MRPS27: variants seen among roughly 807,000 people sequenced by gnomAD.
MRPS27 encodes small ribosomal subunit protein mS27.
Under a neutral mutation model 48.9 loss-of-function variants are expected in MRPS27, and 43 were observed. The ratio of observed to expected loss-of-function variants is 0.88; its 90% CI spans 0.69 to 1.13. The LOEUF is 1.13. Ranked by LOEUF, MRPS27 falls within the 50% of genes most tolerant of loss-of-function variation. MRPS27 has a pLI of 0.00. For synonymous variants in MRPS27, 188 were observed against 171.9 expected, an observed-to-expected ratio of 1.09 and a Z score of -0.73; for missense variants, 467 against 476.3, an observed-to-expected ratio of 0.98 and a Z score of 0.18.
intron 2 of MRPS27, among the ~76,000 whole-genome samples, chr5:72,311,321 T>C (rs1054639147): frequency 4.6e-5 from 7 of 152,098 alleles, no homozygotes; most frequent in African/African-American, 1.7e-4. Flanking sequence ...AAAGTGTGTA[T>C]ACAGGGGGAA....
In MRPS27 at chr5:72,226,155, T is replaced by A; in HGVS notation, c.739A>T (p.Met247Leu). 1 of 1,613,866 alleles carries A rather than the reference T, an allele frequency of 6.2e-7. No homozygotes were observed. Among genetic ancestry groups the A allele is most frequent in the South Asian group, 1.1e-5 (1 of 91,078 alleles). The change falls in exon 9 of 11, where the codon ATG (methionine) becomes TTG (leucine). Residue 247 changes from methionine (M) to leucine (L), a missense_variant. Met to Leu is a conservative substitution (Grantham distance 15, BLOSUM62 2). Transcript: ENST00000261413. ...TAGCCTGGTTTCCATATCAGAGGCA[T>A]GTTGTGGTACACAGCCCGTAGCCCT... ...QQGLRAVYHN[M>L]PLIWKPGYLD...
At chr5:72,273,536 TG>T (rs1268812976) in intron 4 of MRPS27, among the ~76,000 whole-genome samples, 1 of 152,226 alleles carries the variant, frequency 6.6e-6, no homozygotes, top group East Asian at 1.9e-4. Flanking sequence ...TATAGCCTGT[TG>T]CTCCTAGGCT....
At chr5:72,262,123 A>C (rs190843459) in intron 4 of MRPS27, among the ~76,000 whole-genome samples, 1 of 152,346 alleles carries the variant, frequency 6.6e-6, no homozygotes, top group East Asian at 1.9e-4. Context: ...ATGGCATACT[A>C]GTGAAAAATT....
chr5:72,261,532 AC>A (rs1360624163), intron 4 of MRPS27, among the ~76,000 whole-genome samples: 2 of 152,054 alleles, frequency 1.3e-5, no homozygotes, highest in African/African-American at 4.8e-5. Flanking sequence ...AAAAACAAAA[AC>A]TGTTACTGTA....
intron 4 of MRPS27, among the ~76,000 whole-genome samples, chr5:72,254,065 C>T (rs1002259740): frequency 2.6e-5 from 4 of 152,240 alleles, no homozygotes; most frequent in African/African-American, 9.6e-5. Context: ...AGGCAGGTGA[C>T]CCTGCATCTG....
intron 9 of MRPS27, among the ~76,000 whole-genome samples, chr5:72,224,407 A>G (rs1383439239): frequency 1.3e-5 from 2 of 152,194 alleles, no homozygotes; most frequent in East Asian, 1.9e-4. Context: ...AATTATTTGT[A>G]TAAGTGAATC....
At chr5:72,227,026 A>G (rs1232206845) in intron 8 of MRPS27, 2 of 152,286 alleles carry the variant, frequency 1.3e-5, no homozygotes, top group African/African-American at 4.8e-5. Context: ...GACAAAGCTT[A>G]TCAGGCGACA....
intron 4 of MRPS27, among the ~76,000 whole-genome samples, chr5:72,266,068 T>A (rs1457390863): frequency 2.0e-5 from 3 of 151,744 alleles, no homozygotes; most frequent in African/African-American, 7.3e-5. Context: ...GAGGGGAAGA[T>A]ATAAGAAAGT....
At chr5:72,249,613 A>T (rs945826271) in intron 4 of MRPS27, among the ~76,000 whole-genome samples, 7 of 151,894 alleles carry the variant, frequency 4.6e-5, no homozygotes, top group African/African-American at 1.7e-4. Context: ...TGAACCCGGG[A>T]GGCAGAGGTT....
intron 4 of MRPS27, among the ~76,000 whole-genome samples, chr5:72,280,404 GTATTT>G (rs957831272): frequency 4.6e-5 from 7 of 151,948 alleles, no homozygotes; most frequent in African/African-American, 1.7e-4. Flanking sequence ...TCCTTTATAA[GTATTT>G]TTTTTAAAAA....
At chr5:72,236,540 C>CT (rs1229158630) in intron 5 of MRPS27, among the ~76,000 whole-genome samples, 1 of 152,156 alleles carries the variant, frequency 6.6e-6, no homozygotes, top group East Asian at 1.9e-4. Context: ...ACATTACACT[C>CT]TGAACTGAAG....
At chr5:72,309,561 G>A (rs753573239) in intron 2 of MRPS27, among the ~76,000 whole-genome samples, 12 of 152,014 alleles carry the variant, frequency 7.9e-5, no homozygotes, top group Non-Finnish European at 1.5e-4. Flanking sequence ...GTGCTGCCCC[G>A]CTGCAGATTA....
At chr5:72,221,198 A>T in intron 10 of MRPS27, 50 bp from the exon 11 acceptor site, 1 of 1,586,144 alleles carries the variant, frequency 6.3e-7, no homozygotes, top group South Asian at 1.2e-5. Flanking sequence ...GAAGTGAGAG[A>T]AAGATACAAA....
intron 4 of MRPS27, among the ~76,000 whole-genome samples, chr5:72,247,163 T>C (rs1181681817): frequency 6.6e-6 from 1 of 152,112 alleles, no homozygotes; most frequent in Non-Finnish European, 1.5e-5. Context: ...TGTAAGACAA[T>C]AGGTACAAAG....
chr5:72,272,206 G>A (rs1044572609), intron 4 of MRPS27, among the ~76,000 whole-genome samples: 4 of 152,138 alleles, frequency 2.6e-5, no homozygotes, highest in African/African-American at 9.7e-5. Flanking sequence ...GCCAAGAATC[G>A]TTTTTACATT....
rs182244097 is a variant in MRPS27, at chr5:72,274,999, A to T, written c.281+20532T>A. Among the ~76,000 whole-genome samples, 8 of 152,304 alleles carry T rather than the reference A, an allele frequency of 5.3e-5. No homozygotes were observed. In the East Asian group the frequency reaches 7.7e-4, roughly 15 times the overall value. The stretch of plus-strand genomic sequence containing the variant: ...AAGGATGCCCTCTCTTACCACTCCT[A>T]TTCAACACAGCATTGGAAGTTCTGC... On this transcript the variant is annotated intron_variant, in intron 4 of 10. Transcript: ENST00000261413.
Position 72,219,995 on chromosome 5 carries a change from G to A in MRPS27, c.*914C>T, listed in dbSNP as rs867498695. ...AACATCCCTATGGGTGCCTAAAAATGGAAATCCAGTGAGTTCATGGCCTTG... is the reference window on the plus strand; with the variant it reads ...AACATCCCTATGGGTGCCTAAAAATAGAAATCCAGTGAGTTCATGGCCTTG... On this transcript the variant is annotated 3_prime_UTR_variant, in exon 11 of 11. Transcript: ENST00000261413. 6.6e-6 allele frequency: 1 copy of A among 152,628 alleles called. No individual in the cohort carries two copies. The highest frequency in any genetic ancestry group is 2.4e-5 in the African/African-American group (1 of 41,438). The allele number at this position is 152,628 out of a possible 1,614,324, so 9.5% of individuals were successfully genotyped here.
At chr5:72,305,242 A>C (rs1750228703) in intron 2 of MRPS27, among the ~76,000 whole-genome samples, 1 of 152,256 alleles carries the variant, frequency 6.6e-6, no homozygotes, top group East Asian at 1.9e-4. Context: ...ACCCATCTCT[A>C]GAACTTGGCA....
intron 2 of MRPS27, among the ~76,000 whole-genome samples, 173 bp from the exon 3 acceptor site, chr5:72,297,875 A>C (rs1750021726): frequency 6.6e-6 from 1 of 152,210 alleles, no homozygotes; most frequent in South Asian, 2.1e-4. Context: ...ACATTTTAAA[A>C]ATGATTTAAT....
Sources: gnomAD v4.1 joint callset for allele counts (sites outside exome capture counted in the v4.1 genomes callset) on GRCh38, gnomAD v4.1.1 for gene constraint, MANE v1.5 for transcripts, NCBI Gene and HGNC (gene_info 2026-07-23, HGNC 2026-07-21) for gene names.